NUDT11: variants seen among roughly 807,000 people sequenced by gnomAD.
NUDT11 encodes the protein diphosphoinositol polyphosphate phosphohydrolase 3-beta.
Under a neutral mutation model 10.0 loss-of-function variants are expected in NUDT11, and 1 was observed. The ratio of observed to expected loss-of-function variants is 0.10; its 90% CI spans 0.04 to 0.47. The LOEUF (loss-of-function observed/expected upper bound fraction) is 0.47. Among genes scored for constraint, NUDT11 ranks in the 20% least tolerant of loss-of-function variants. The pLI, the probability that NUDT11 is intolerant of heterozygous loss-of-function variation, is 0.96. For synonymous variants in NUDT11, 63 were observed against 65.9 expected (o/e 0.96, Z 0.21); for missense variants, 47 against 140.4 (o/e 0.33, Z 3.36).
At chrX:51,492,947 C>T (rs1403300701) in intron 1 of NUDT11, among the ~76,000 whole-genome samples, 1 of 112,612 alleles carries the variant, frequency 8.9e-6, no homozygotes, top group Non-Finnish European at 1.9e-5. Context: ...CATTCTTATA[C>T]TAACCTTCTG....
chrX:51,492,001 T>C (rs1557326228), intron 1 of NUDT11, among the ~76,000 whole-genome samples: 1 of 111,940 alleles, frequency 8.9e-6, no homozygotes, highest in African/African-American at 3.2e-5. Context: ...GAGTGACCAT[T>C]TAAGACATAA....
chrX:51,495,481 A>G (rs1283197520), intron 1 of NUDT11, among the ~76,000 whole-genome samples: 2 of 112,237 alleles, frequency 1.8e-5, no homozygotes, highest in African/African-American at 6.5e-5. Context: ...CAGACTTTAA[A>G]GGCCTCCACT....
chrX:51,495,953 G>A lies in NUDT11; in HGVS notation c.492C>T (p.Pro164=), dbSNP rs782427644. 5 of 1,208,126 alleles carry A rather than the reference G, an allele frequency of 4.1e-6. No individual in the cohort carries two copies. Among genetic ancestry groups the A allele is most frequent in the Non-Finnish European group, 5.6e-6 (5 of 892,978 alleles). Residue 164 remains proline, a splice_region_variant and synonymous_variant, in exon 1 of 2, where the codon CCC becomes CCT. Coordinates refer to ENST00000375992, the MANE Select transcript of NUDT11 (RefSeq NM_018159.4). ...GCGCGAGCGCAAGCGGTACATACTA[G>A]GGATCGCTATCTGGCGAGGATGGGG... The part of the protein sequence containing the change: ...SMAPSSPDSD[P]
At chrX:51,491,795 TTCC>T in intron 1 of NUDT11, 46 bp from the exon 2 acceptor site, 2 of 570,719 alleles carry the variant, frequency 3.5e-6, no homozygotes, top group African/African-American at 2.2e-5. Flanking sequence ...ATGTTAATAA[TTCC>T]TCCAACTGAC....
At position 51,496,554 on chromosome X, in the gene NUDT11, G is replaced by T; in HGVS notation, c.-110C>A. 1 of 1,104,200 alleles carries T rather than the reference G, an allele frequency of 9.1e-7. No individual in the cohort carries two copies. Among genetic ancestry groups the T allele is most frequent in the Non-Finnish European group, 1.2e-6 (1 of 834,721 alleles). 91.0% of individuals were successfully genotyped at this position (1,104,200 alleles called of 1,213,427 possible). On this transcript the variant is annotated 5_prime_UTR_variant, in exon 1 of 2. Transcript: ENST00000375992. ...AGCCGAGGTGCTGGGAAGAGAAAGG[G>T]CCGAGGCGAGGGGCGGGGAAAGAGA...
In NUDT11 at chrX:51,495,933, A is replaced by G. The variant is rs373877059; in HGVS notation, c.494+18T>C. ...AGGCAGACAAATAGAAGTCTGCGCGAGCGCAAGCGGTACATACTAGGGATC... is the reference window on the plus strand; with the variant it reads ...AGGCAGACAAATAGAAGTCTGCGCGGGCGCAAGCGGTACATACTAGGGATC... On this transcript the variant is annotated intron_variant, in intron 1 of 1. Transcript: ENST00000375992. 353 of 1,206,469 alleles carry G rather than the reference A, an allele frequency of 2.9e-4. No individual in the cohort carries two copies. The highest frequency in any genetic ancestry group is 8.9e-4 in the African/African-American group (51 of 57,313).
Position 51,495,993 on chromosome X carries a change from T to C in NUDT11, c.452A>G (p.Asn151Ser), listed in dbSNP as rs782407349. Residue 151 changes from asparagine to serine, a missense_variant, in exon 1 of 2, where the codon AAT (asparagine) becomes AGT (serine). Coordinates refer to ENST00000375992, the MANE Select transcript of NUDT11 (RefSeq NM_018159.4). ...EKLKLGGSPT[N>S]GNSMAPSSPD... ...CGAGGATGGGGCCATGGAGTTTCCA[T>C]TGGTTGGGGAACCGCCCAGCTTTAG... 13 of 1,206,142 alleles carry C rather than the reference T, an allele frequency of 1.1e-5. No individual in the cohort carries two copies. The highest frequency in any genetic ancestry group is 8.9e-5 in the East Asian group (3 of 33,666).
In NUDT11 at chrX:51,496,292, G is replaced by A. The variant is rs1557326664; in HGVS notation, c.153C>T (p.Gly51=). 1 of 1,207,879 alleles carries A rather than the reference G, an allele frequency of 8.3e-7. No individual in the cohort carries two copies. Among genetic ancestry groups the A allele is most frequent in the Non-Finnish European group, 1.1e-6 (1 of 893,720 alleles). ...YPDRWIVPGG[G]MEPEEEPGGA... is the part of the protein sequence containing the mutation. ...CGCCCGGCTCCTCCTCGGGCTCCAT[G>A]CCCCCGCCCGGCACGATCCAGCGGT... The change falls in exon 1 of 2, where the codon GGC becomes GGT. Residue 51 remains glycine (G), a synonymous_variant. Coordinates refer to ENST00000375992, the MANE Select transcript of NUDT11 (RefSeq NM_018159.4).
Position 51,490,469 on chromosome X carries a change from T to C in NUDT11, c.*1280A>G, listed in dbSNP as rs1206333054. 1 of 111,676 alleles carries C rather than the reference T, an allele frequency of 9.0e-6. No individual in the cohort carries two copies. The highest frequency in any genetic ancestry group is 1.9e-5 in the Non-Finnish European group (1 of 53,165). The allele number at this position is 111,676 out of a possible 1,213,427, so 9.2% of individuals were successfully genotyped here. On this transcript the variant is annotated 3_prime_UTR_variant, in exon 2 of 2. Transcript: ENST00000375992. ...ACAAACTAGCATATTAGAACCACTT[T>C]TGGTAATTTGTAAGGAGCTGAAGAC... is the stretch of plus-strand genomic sequence containing the variant.
intron 1 of NUDT11, among the ~76,000 whole-genome samples, chrX:51,492,902 G>A (rs782717912): frequency 5.3e-5 from 6 of 112,462 alleles, no homozygotes; most frequent in African/African-American, 1.9e-4. Flanking sequence ...AGCTCTGCCA[G>A]GCAAATACAC....
intron 1 of NUDT11, among the ~76,000 whole-genome samples, chrX:51,494,687 AAAT>A (rs1174913016): frequency 1.8e-5 from 2 of 111,506 alleles, no homozygotes; most frequent in Non-Finnish European, 3.8e-5. Flanking sequence ...CAGGAGAGCA[AAAT>A]AATGAGTAGG....
chrX:51,496,568 C>G lies in NUDT11; in HGVS notation c.-124G>C. On this transcript the variant is annotated 5_prime_UTR_variant, in exon 1 of 2. Coordinates refer to ENST00000375992, the MANE Select transcript of NUDT11 (RefSeq NM_018159.4). ...GAAGAGAAAGGGCCGAGGCGAGGGG[C>G]GGGGAAAGAGAGGCGCCTCCGTCTG... The G allele has an allele frequency of 9.3e-7, 1 of 1,070,041 alleles. No homozygotes were observed. The highest frequency in any genetic ancestry group is 3.3e-5 in the East Asian group (1 of 30,202). The allele number at this position is 1,070,041 out of a possible 1,213,427, so 88.2% of individuals were successfully genotyped here.
chrX:51,496,400 C>A lies in NUDT11; in HGVS notation c.45G>T (p.Gly15=). ...PNQTRTYDPE[G]FKKRAACLCF... ...ACAGGCACGCCGCCCGCTTCTTGAA[C>A]CCCTCGGGGTCGTAGGTCCGCGTCT... Residue 15 remains glycine (G), a synonymous_variant, in exon 1 of 2, where the codon GGG becomes GGT. Coordinates refer to ENST00000375992, the MANE Select transcript of NUDT11 (RefSeq NM_018159.4). 1.7e-6 allele frequency: 2 copies of A among 1,209,815 alleles called. No individual in the cohort carries two copies. Among genetic ancestry groups the A allele is most frequent in the Non-Finnish European group, 2.2e-6 (2 of 894,850 alleles).
intron 1 of NUDT11, among the ~76,000 whole-genome samples, chrX:51,492,391 T>C (rs1925615473): frequency 9.3e-6 from 1 of 107,710 alleles, no homozygotes; most frequent in Non-Finnish European, 1.9e-5. Context: ...TTTTGAGACG[T>C]AGTCTCACTC....
chrX:51,495,935 C>A lies in NUDT11; in HGVS notation c.494+16G>T. On this transcript the variant is annotated intron_variant, in intron 1 of 1. Transcript: ENST00000375992. ...GCAGACAAATAGAAGTCTGCGCGAG[C>A]GCAAGCGGTACATACTAGGGATCGC... is the stretch of plus-strand genomic sequence containing the variant. 8.3e-7 allele frequency: 1 copy of A among 1,207,403 alleles called. No individual in the cohort carries two copies. The highest frequency in any genetic ancestry group is 1.1e-6 in the Non-Finnish European group (1 of 892,542).
intron 1 of NUDT11, among the ~76,000 whole-genome samples, chrX:51,492,581 G>T (rs1925619740): frequency 9.0e-6 from 1 of 110,679 alleles, no homozygotes; most frequent in African/African-American, 3.3e-5. Context: ...CGCCATATTG[G>T]CCAGGCTGGT....
At chrX:51,495,895 C>T (rs1275369626) in intron 1 of NUDT11, 56 bp downstream of exon 1, 75 of 1,187,217 alleles carry the variant, frequency 6.3e-5, no homozygotes, top group Admixed American at 2.5e-4. Context: ...CCAGGCGGGA[C>T]GCATTTTAAG....
Position 51,491,318 on chromosome X carries a change from C to A in NUDT11, c.*431G>T. The A allele has an allele frequency of 7.7e-6, 1 of 129,195 alleles. No individual in the cohort carries two copies. The highest frequency in any genetic ancestry group is 1.6e-5 in the Non-Finnish European group (1 of 63,656). 10.6% of individuals were successfully genotyped at this position (129,195 alleles called of 1,213,427 possible). A position where few individuals can be genotyped will look rare whatever the true frequency, so the allele number is the denominator to read the frequency against. On this transcript the variant is annotated 3_prime_UTR_variant, in exon 2 of 2. Coordinates refer to ENST00000375992, the MANE Select transcript of NUDT11 (RefSeq NM_018159.4). ...ACACATGGTGCCTAGATAGCATATA[C>A]TCTACTAGCACCAGATTGGAAGGGG...
intron 1 of NUDT11, among the ~76,000 whole-genome samples, chrX:51,493,863 C>A (rs1434033232): frequency 9.0e-6 from 1 of 111,522 alleles, no homozygotes; most frequent in Non-Finnish European, 1.9e-5. Context: ...AACTTAAGAA[C>A]CAAATAAGAT....
Sources: allele counts gnomAD v4.1 joint callset (sites outside exome capture counted in the v4.1 genomes callset), GRCh38; gene constraint gnomAD v4.1.1; transcripts MANE v1.5; gene names NCBI Gene and HGNC (gene_info 2026-07-23, HGNC 2026-07-21).